The following ROBO2 variants were observed in gnomAD, a reference collection of about 807,000 sequenced individuals.
The protein encoded by ROBO2 is roundabout guidance receptor 2.
Under a neutral mutation model 160.8 loss-of-function variants are expected in ROBO2, and 53 were observed. The observed-to-expected ratio is 0.33, with a 90% confidence interval of 0.26 to 0.41. The LOEUF (loss-of-function observed/expected upper bound fraction) is 0.41, where lower values mean the gene tolerates loss of function less well. Ranked by LOEUF, ROBO2 falls within the 10% of genes least tolerant of loss-of-function variation. The pLI is 1.00. For synonymous variants in ROBO2, 664 were observed against 611.7 expected (o/e 1.09, Z -1.26); for missense variants, 1,577 against 1,722.4 (o/e 0.92, Z 1.49).
At chr3:77,564,921 G>A in intron 11 of ROBO2, 33 bp from the exon 13 acceptor site, 2 of 1,606,072 alleles carry the variant, frequency 1.2e-6, no homozygotes, top group Non-Finnish European at 1.7e-6. Flanking sequence ...TCAAATGACT[G>A]TTCTTTAAAT....
intron 2 of ROBO2, among the ~76,000 whole-genome samples, chr3:76,105,735 G>T (rs1405437772): frequency 1.3e-5 from 2 of 151,928 alleles, no homozygotes; most frequent in Non-Finnish European, 2.9e-5. Flanking sequence ...TTCCCATGGG[G>T]AGTAAAATGG....
At chr3:76,060,289 T>C (rs960023579) in intron 2 of ROBO2, among the ~76,000 whole-genome samples, 2 of 116,180 alleles carry the variant, frequency 1.7e-5, no homozygotes, top group Non-Finnish European at 3.4e-5. Context: ...GAGACCTGAT[T>C]TTTGTGTACA....
At chr3:77,291,046 C>T (rs568544277) in intron 2 of ROBO2, among the ~76,000 whole-genome samples, 15 of 146,004 alleles carry the variant, frequency 1.0e-4, no homozygotes, top group African/African-American at 3.1e-4. Flanking sequence ...GATGGTTAAA[C>T]GAGTAAGCTG....
intron 2 of ROBO2, among the ~76,000 whole-genome samples, chr3:75,982,764 G>C (rs1373836055): frequency 1.3e-5 from 2 of 151,310 alleles, no homozygotes; most frequent in East Asian, 3.9e-4. Context: ...TTGTCTGCTA[G>C]TCACCCTTCA....
intron 2 of ROBO2, among the ~76,000 whole-genome samples, chr3:77,449,726 C>G (rs546761388): frequency 3.3e-5 from 5 of 152,086 alleles, no homozygotes; most frequent in African/African-American, 1.2e-4. Flanking sequence ...CTTCCACGTG[C>G]TTAGCTAGCA....
chr3:76,903,430 GTC>G lies in ROBO2; in HGVS notation c.110-194578_110-194577del, dbSNP rs547914341. 2.9e-3 allele frequency among the ~76,000 whole-genome samples: 445 copies of G among 152,106 alleles called. 4 individuals are homozygous for G. Among genetic ancestry groups the G allele is most frequent in the African/African-American group, 0.01 (429 of 41,486 alleles). On this transcript the variant is annotated intron_variant, in intron 2 of 26. Coordinates refer to the ROBO2 transcript ENST00000487694. Reference sequence around the variant, plus strand: ...TGGGAGTCAATTGGACTTGACCATTGTCTCTCTGACTGTCAATTGTACAGGTT... The same window carrying G: ...TGGGAGTCAATTGGACTTGACCATTGTCTCTGACTGTCAATTGTACAGGTT...
chr3:77,199,620 A>ATTT (rs66672194), intron 2 of ROBO2, among the ~76,000 whole-genome samples: 97 of 118,164 alleles, frequency 8.2e-4, no homozygotes, highest in African/African-American at 1.9e-3. Flanking sequence ...CTCAGTCACC[A>ATTT]TTTTTTTTTT....
At chr3:76,217,047 C>T (rs1041802031) in intron 2 of ROBO2, among the ~76,000 whole-genome samples, 2 of 152,186 alleles carry the variant, frequency 1.3e-5, no homozygotes, top group Non-Finnish European at 2.9e-5. Flanking sequence ...GAACAACCTG[C>T]TCCTGAATGA....
chr3:76,669,372 T>C (rs1020028856), intron 2 of ROBO2, among the ~76,000 whole-genome samples: 2 of 152,150 alleles, frequency 1.3e-5, no homozygotes, highest in Non-Finnish European at 2.9e-5. Context: ...TTCTCTTAGC[T>C]TGTAAAATAG....
intron 2 of ROBO2, among the ~76,000 whole-genome samples, chr3:76,080,429 G>T (rs1055969442): frequency 4.6e-5 from 7 of 152,146 alleles, no homozygotes; most frequent in African/African-American, 1.7e-4. Context: ...CTGGAGCCTG[G>T]ATTATGTTGT....
At chr3:77,341,147 T>C (rs2067011757) in intron 2 of ROBO2, among the ~76,000 whole-genome samples, 1 of 152,162 alleles carries the variant, frequency 6.6e-6, no homozygotes, top group Admixed American at 6.6e-5. Context: ...ACCACAATTC[T>C]ATGGCCCATG....
intron 2 of ROBO2, among the ~76,000 whole-genome samples, chr3:76,982,064 A>G (rs180755888): frequency 1.3e-5 from 2 of 152,284 alleles, no homozygotes; most frequent in Admixed American, 6.5e-5. Context: ...TTTGAACTAA[A>G]AAAAGCCTTT....
intron 2 of ROBO2, among the ~76,000 whole-genome samples, chr3:77,217,376 C>T (rs965112099): frequency 6.6e-5 from 10 of 152,118 alleles, no homozygotes; most frequent in African/African-American, 2.4e-4. Flanking sequence ...CTCCTGGCCT[C>T]AGGTGATCTA....
At chr3:76,312,601 C>T (rs1422919721) in intron 2 of ROBO2, among the ~76,000 whole-genome samples, 2 of 152,142 alleles carry the variant, frequency 1.3e-5, no homozygotes, top group African/African-American at 4.8e-5. Flanking sequence ...TACTATATTT[C>T]CTAGTGTTAT....
chr3:76,048,282 G>A (rs1309943448), intron 2 of ROBO2, among the ~76,000 whole-genome samples: 1 of 152,160 alleles, frequency 6.6e-6, no homozygotes, highest in Admixed American at 6.5e-5. Context: ...TCTTCTGCTA[G>A]TGATAGAGCA....
intron 2 of ROBO2, among the ~76,000 whole-genome samples, chr3:76,398,739 A>G (rs1473870005): frequency 4.6e-5 from 7 of 151,872 alleles, no homozygotes; most frequent in South Asian, 2.1e-4. Flanking sequence ...TATTAAGTTT[A>G]GTATATTCTA....
At chr3:76,090,741 A>T (rs1296925149) in intron 2 of ROBO2, among the ~76,000 whole-genome samples, 1 of 152,170 alleles carries the variant, frequency 6.6e-6, no homozygotes, top group African/African-American at 2.4e-5. Flanking sequence ...GAAAGAACAG[A>T]CACATAGAAC....
At chr3:76,388,472 C>T (rs1468750223) in intron 2 of ROBO2, among the ~76,000 whole-genome samples, 2 of 152,008 alleles carry the variant, frequency 1.3e-5, no homozygotes, top group African/African-American at 2.4e-5. Flanking sequence ...GGGGTTCCAC[C>T]GTGTTAGCCA....
intron 2 of ROBO2, among the ~76,000 whole-genome samples, chr3:77,164,868 C>T (rs1270893352): frequency 4.8e-5 from 3 of 62,846 alleles, no homozygotes; most frequent in Non-Finnish European, 1.1e-4. Context: ...CGGCCAGCCA[C>T]CCCGTCCGGG....
Sources: gnomAD v4.1 joint callset for allele counts (sites outside exome capture counted in the v4.1 genomes callset) on GRCh38, gnomAD v4.1.1 for gene constraint, MANE v1.5 for transcripts, NCBI Gene and HGNC (gene_info 2026-07-23, HGNC 2026-07-21) for gene names.